The following KCNJ3 variants were observed in gnomAD, a reference collection of about 807,000 sequenced individuals.
KCNJ3 encodes the protein potassium inwardly rectifying channel subfamily J member 3.
Under a neutral mutation model 39.2 loss-of-function variants are expected in KCNJ3, and 4 were observed. The observed-to-expected ratio is 0.10, with a 90% CI of 0.05 to 0.23. KCNJ3 has a LOEUF of 0.23. Among genes scored for constraint, KCNJ3 ranks in the 10% least tolerant of loss-of-function variants. KCNJ3 has a pLI of 1.00. For missense variants in KCNJ3, 276 were observed against 634.9 expected, an observed-to-expected ratio of 0.43 and a Z score of 6.08; for synonymous variants, 230 against 237.4, an observed-to-expected ratio of 0.97 and a Z score of 0.29.
At chr2:154,710,823 T>G (rs529796772) in intron 2 of KCNJ3, among the ~76,000 whole-genome samples, 2 of 152,282 alleles carry the variant, frequency 1.3e-5, no homozygotes, top group South Asian at 4.1e-4. Context: ...TATACCAAGG[T>G]GGAAGATCCT....
intron 1 of KCNJ3, among the ~76,000 whole-genome samples, chr2:154,701,794 C>A (rs1003616881): frequency 3.3e-5 from 5 of 152,004 alleles, no homozygotes; most frequent in Admixed American, 6.5e-5. Flanking sequence ...TATATTTAAA[C>A]AAAATTATGG....
chr2:154,836,573 C>T (rs750795395), intron 2 of KCNJ3, among the ~76,000 whole-genome samples: 1 of 150,816 alleles, frequency 6.6e-6, no homozygotes, highest in Non-Finnish European at 1.5e-5. Flanking sequence ...TATACATGGT[C>T]AAAGCAATCA....
rs115576942 is a variant in KCNJ3, at chr2:154,799,070, G to A, written c.920-55657G>A. Among the ~76,000 whole-genome samples the A allele has an allele frequency of 3.0e-3, 460 of 152,130 alleles. 4 individuals are homozygous for A. The highest frequency in any genetic ancestry group is 0.011 in the African/African-American group (444 of 41,534). On this transcript the variant is annotated intron_variant, in intron 2 of 2. Coordinates refer to ENST00000295101, the MANE Select transcript of KCNJ3 (RefSeq NM_002239.4). Reference sequence around the variant, plus strand: ...TAGATGGTAGATCTGTGAGAATTACGTATGTAATTCTATGAATTTAGCAAC... The same window carrying A: ...TAGATGGTAGATCTGTGAGAATTACATATGTAATTCTATGAATTTAGCAAC...
intron 2 of KCNJ3, among the ~76,000 whole-genome samples, chr2:154,718,357 G>A (rs913367197): frequency 6.6e-6 from 1 of 152,060 alleles, no homozygotes; most frequent in Non-Finnish European, 1.5e-5. Context: ...TCTTTTGATA[G>A]GTAATTGTAG....
intron 2 of KCNJ3, among the ~76,000 whole-genome samples, chr2:154,742,898 T>G (rs956810241): frequency 2.6e-5 from 4 of 151,882 alleles, no homozygotes; most frequent in Non-Finnish European, 5.9e-5. Context: ...TTGTCTTTTA[T>G]TTTAGTTATC....
intron 1 of KCNJ3, among the ~76,000 whole-genome samples, chr2:154,707,587 A>G (rs958153695): frequency 1.3e-5 from 2 of 152,144 alleles, no homozygotes; most frequent in Admixed American, 1.3e-4. Flanking sequence ...ATTTGTGTAC[A>G]TATATAATAC....
At chr2:154,765,373 C>G (rs1686115490) in intron 2 of KCNJ3, among the ~76,000 whole-genome samples, 2 of 152,126 alleles carry the variant, frequency 1.3e-5, no homozygotes, top group Non-Finnish European at 2.9e-5. Context: ...CACTTATTAC[C>G]AGTTTCAACT....
chr2:154,813,777 G>C (rs777922514), intron 2 of KCNJ3, among the ~76,000 whole-genome samples: 10 of 152,130 alleles, frequency 6.6e-5, no homozygotes, highest in Non-Finnish European at 1.5e-4. Flanking sequence ...GTGCCCTAAG[G>C]ATACAATGTT....
At chr2:154,705,931 A>G (rs956879040) in intron 1 of KCNJ3, among the ~76,000 whole-genome samples, 1 of 152,138 alleles carries the variant, frequency 6.6e-6, no homozygotes, top group Non-Finnish European at 1.5e-5. Context: ...TAGAAGTTGT[A>G]TGGAAGTCAT....
At chr2:154,844,688 G>A (rs1309351577) in intron 2 of KCNJ3, among the ~76,000 whole-genome samples, 4 of 151,470 alleles carry the variant, frequency 2.6e-5, no homozygotes, top group African/African-American at 7.3e-5. Context: ...CTACCACCTC[G>A]CAGATTGATC....
chr2:154,772,319 G>A (rs1015760284), intron 2 of KCNJ3, among the ~76,000 whole-genome samples: 5 of 152,036 alleles, frequency 3.3e-5, no homozygotes, highest in African/African-American at 7.2e-5. Context: ...CACTCCTTAC[G>A]TATGGGATAG....
intron 2 of KCNJ3, among the ~76,000 whole-genome samples, chr2:154,721,875 C>A (rs1234536543): frequency 6.6e-6 from 1 of 152,090 alleles, no homozygotes; most frequent in African/African-American, 2.4e-5. Flanking sequence ...TGTTTTTGTG[C>A]TTTGATTCTT....
intron 2 of KCNJ3, among the ~76,000 whole-genome samples, chr2:154,788,882 G>T (rs1277653693): frequency 6.6e-6 from 1 of 151,594 alleles, no homozygotes; most frequent in Non-Finnish European, 1.5e-5. Flanking sequence ...ATGAGGATAT[G>T]CTGGAGAAAA....
At chr2:154,714,425 T>G (rs1032214179) in intron 2 of KCNJ3, among the ~76,000 whole-genome samples, 5 of 152,168 alleles carry the variant, frequency 3.3e-5, no homozygotes, top group Non-Finnish European at 7.4e-5. Context: ...TCCTCGCTCC[T>G]GTAAATATTT....
chr2:154,702,152 T>C (rs1483829332), intron 1 of KCNJ3, among the ~76,000 whole-genome samples: 1 of 152,024 alleles, frequency 6.6e-6, no homozygotes, highest in Non-Finnish European at 1.5e-5. Context: ...TACATTATTC[T>C]GATTAAATAT....
In KCNJ3 at chr2:154,699,252, C is replaced by T; in HGVS notation, c.477C>T (p.Ile159=). 1.2e-6 allele frequency: 2 copies of T among 1,614,122 alleles called. No individual in the cohort carries two copies. Among genetic ancestry groups the T allele is most frequent in the Non-Finnish European group, 1.7e-6 (2 of 1,180,044 alleles). ...RYITDKCPEG[I]ILFLFQSILG... is the part of the protein sequence containing the mutation. Reference sequence around the variant, plus strand: ...TCACAGACAAGTGCCCCGAGGGCATCATCCTCTTCCTCTTCCAGTCCATCC... The same window carrying T: ...TCACAGACAAGTGCCCCGAGGGCATTATCCTCTTCCTCTTCCAGTCCATCC... Residue 159 remains isoleucine, a synonymous_variant, in exon 1 of 3, where the codon ATC becomes ATT. Coordinates refer to ENST00000295101, the MANE Select transcript of KCNJ3 (RefSeq NM_002239.4). This position sits in a 1 kb window ranked among gnomAD's most constrained non-coding sequence, Gnocchi z 6.4.
intron 1 of KCNJ3, among the ~76,000 whole-genome samples, chr2:154,704,007 T>G (rs1402957981): frequency 6.6e-6 from 1 of 152,114 alleles, no homozygotes. Flanking sequence ...GGTAGATTCA[T>G]TTTATCCTTA....
intron 2 of KCNJ3, among the ~76,000 whole-genome samples, chr2:154,781,768 C>T (rs1686443528): frequency 6.6e-6 from 1 of 152,034 alleles, no homozygotes; most frequent in Admixed American, 6.6e-5. Flanking sequence ...GCAATAGGTA[C>T]GTGTAATGAA....
intron 2 of KCNJ3, among the ~76,000 whole-genome samples, chr2:154,845,753 T>G (rs773639344): frequency 1.3e-5 from 2 of 152,000 alleles, no homozygotes; most frequent in African/African-American, 4.8e-5. Flanking sequence ...GGTGGATCAC[T>G]TGAGGTCAGG....
Sources: gnomAD v4.1 joint callset for allele counts (sites outside exome capture counted in the v4.1 genomes callset) on GRCh38, gnomAD v4.1.1 for gene constraint, Gnocchi (gnomAD v3.1) non-coding constraint, MANE v1.5 for transcripts, NCBI Gene and HGNC (gene_info 2026-07-23, HGNC 2026-07-21) for gene names.